The following SYMPK variants were observed in gnomAD, a reference collection of about 807,000 sequenced individuals.
The protein encoded by SYMPK is symplekin scaffold protein.
Under a neutral mutation model 136.4 loss-of-function variants are expected in SYMPK, and 49 were observed. The ratio of observed to expected loss-of-function variants is 0.36; its 90% CI spans 0.29 to 0.46. SYMPK has a LOEUF of 0.46. SYMPK is among the 20% of genes least tolerant of loss of function. SYMPK has a pLI of 1.00. For synonymous variants in SYMPK, 766 were observed against 713.0 expected (o/e 1.07, Z -1.19); for missense variants, 1,365 against 1,690.0 (o/e 0.81, Z 3.37).
At chr19:45,854,327 A>T in intron 2 of SYMPK, 64 bp downstream of exon 2, 3 of 1,606,058 alleles carry the variant, frequency 1.9e-6, no homozygotes, top group Non-Finnish European at 2.6e-6. Context: ...TCTGCCACCT[A>T]AACAGGGATT....
intron 6 of SYMPK, 35 bp from the exon 7 acceptor site, chr19:45,848,036 A>G: frequency 6.5e-7 from 1 of 1,549,100 alleles, no homozygotes; most frequent in Non-Finnish European, 8.8e-7. Flanking sequence ...GAAGAGACAC[A>G]CAAAGAGGTG....
rs139861984 is a variant in SYMPK, at chr19:45,821,463, G to A, written c.2814C>T (p.Ser938=). Residue 938 remains serine (S), a synonymous_variant, in exon 22 of 27, where the codon TCC becomes TCT. Transcript: ENST00000245934. The surrounding 1 kb of genome is among the most constrained non-coding windows in gnomAD (Gnocchi z 4.4). ...TCAGGAGCTCTCCAGGGTTCAGCGG[G>A]GACAAGGCTGAGTTTCCCTCACCTG... is the stretch of plus-strand genomic sequence containing the variant. ...TQHGEGNSAL[S]PLNPGELLIA... The A allele has an allele frequency of 3.3e-4, 534 of 1,613,832 alleles. No individual in the cohort carries two copies. Among genetic ancestry groups the A allele is most frequent in the Non-Finnish European group, 4.3e-4 (513 of 1,179,872 alleles).
At position 45,844,037 on chromosome 19, in the gene SYMPK, A is replaced by C; in HGVS notation, c.840T>G (p.Thr280=). The change falls in exon 8 of 27, where the codon ACT becomes ACG. Residue 280 remains threonine, a synonymous_variant. Transcript: ENST00000245934. ...FMSEVIQAYE[T]LHANLPPTLA... ...GGGAGGACAATGACCTACCATGCAG[A>C]GTTTCATAGGCCTGGATCACCTCAG... 6.5e-7 allele frequency: 1 copy of C among 1,543,466 alleles called. No individual in the cohort carries two copies. Among genetic ancestry groups the C allele is most frequent in the Non-Finnish European group, 8.8e-7 (1 of 1,139,504 alleles).
chr19:45,820,730 A>G (rs1321549387), intron 22 of SYMPK: 1 of 165,132 alleles, frequency 6.1e-6, no homozygotes, highest in Non-Finnish European at 1.3e-5. Context: ...TTCACTTCAG[A>G]TTCTGTTTCT....
chr19:45,863,113 T>TCCGCCGCCGCCG lies in SYMPK; in HGVS notation c.-80_-69dup, dbSNP rs3840932. ...CCCTCAGCAGTGCCTCTTCCTACAC[T>TCCGCCGCCGCCG]CCGCCGCCGCCGCCGCCGCCATCTT... On this transcript the variant is annotated 5_prime_UTR_variant, in exon 1 of 27. Coordinates refer to ENST00000245934, the MANE Select transcript of SYMPK (RefSeq NM_004819.3). 8.9e-5 allele frequency: 36 copies of TCCGCCGCCGCCG among 404,220 alleles called. 3 individuals are homozygous for TCCGCCGCCGCCG. In the South Asian group the frequency reaches 1.7e-3, roughly 19 times the overall value. The allele number at this position is 404,220 out of a possible 1,614,324, so 25.0% of individuals were successfully genotyped here.
chr19:45,836,574 T>A (rs913123925), intron 10 of SYMPK, among the ~76,000 whole-genome samples: 2 of 151,406 alleles, frequency 1.3e-5, no homozygotes, highest in African/African-American at 2.4e-5. Context: ...GAGCTTACAG[T>A]GAGCTGAGAC....
intron 7 of SYMPK, 58 bp from the exon 8 acceptor site, chr19:45,844,258 C>T (rs1172134981): frequency 7.0e-7 from 1 of 1,422,396 alleles, no homozygotes; most frequent in African/African-American, 1.4e-5. Context: ...CCTCTGGAGA[C>T]AGCAGCTTTT....
intron 16 of SYMPK, among the ~76,000 whole-genome samples, chr19:45,826,856 T>C (rs961031100): frequency 1.3e-5 from 2 of 152,218 alleles, no homozygotes; most frequent in Non-Finnish European, 2.9e-5. Flanking sequence ...ATGAAAACGC[T>C]ACCCAGCAAG....
chr19:45,859,573 C>A lies in SYMPK; in HGVS notation c.-13+3485G>T, dbSNP rs151314115. 2.1e-3 allele frequency among the ~76,000 whole-genome samples: 315 copies of A among 152,204 alleles called. 1 individual carries two copies. Among genetic ancestry groups the A allele is most frequent in the African/African-American group, 7.2e-3 (299 of 41,532 alleles). On this transcript the variant is annotated intron_variant, in intron 1 of 26. Coordinates refer to ENST00000245934, the MANE Select transcript of SYMPK (RefSeq NM_004819.3). The stretch of plus-strand genomic sequence containing the variant: ...CGAGATTGCGCCACTGCACTCCAGC[C>A]TGGATGACAGAGCAAGACTCTGTCT...
Position 45,818,166 on chromosome 19 carries a change from G to A in SYMPK, c.2894-20C>T, listed in dbSNP as rs1405678361. ...TGGTGGCTGCGAGGAGGCGGAGAGT[G>A]GGCCTGTCCTCTCTGCCCAGCTGCC... is the stretch of plus-strand genomic sequence containing the variant. On this transcript the variant is annotated intron_variant, in intron 22 of 26. Transcript: ENST00000245934. 2 of 1,518,868 alleles carry A rather than the reference G, an allele frequency of 1.3e-6. No homozygotes were observed. Among genetic ancestry groups the A allele is most frequent in the Non-Finnish European group, 1.8e-6 (2 of 1,125,964 alleles). The allele number at this position is 1,518,868 out of a possible 1,614,324, so 94.1% of individuals were successfully genotyped here.
intron 15 of SYMPK, 92 bp from the exon 16 acceptor site, chr19:45,827,715 C>A (rs1202956427): frequency 2.0e-6 from 3 of 1,496,618 alleles, no homozygotes; most frequent in African/African-American, 1.4e-5. Flanking sequence ...GGTACCTGGA[C>A]AAAAGGGCCC....
At chr19:45,826,888 G>T (rs778472380) in intron 16 of SYMPK, among the ~76,000 whole-genome samples, 28 of 152,216 alleles carry the variant, frequency 1.8e-4, no homozygotes, top group South Asian at 4.1e-4. Context: ...AAGGCTGCAG[G>T]CAACGATGGG....
intron 8 of SYMPK, 135 bp from the exon 9 acceptor site, chr19:45,842,624 C>T (rs767971254): frequency 7.7e-5 from 100 of 1,291,878 alleles, no homozygotes; most frequent in Admixed American, 3.3e-4. Flanking sequence ...TCAGATCTAA[C>T]GTGTGGCTTT....
chr19:45,857,579 C>T lies in SYMPK; in HGVS notation c.-12-3072G>A, dbSNP rs536334847. ...TGATCGTGGCTCACTGCAAGCTCCG[C>T]CTCCTGGGTTCACACCATTCTCCTG... On this transcript the variant is annotated intron_variant, in intron 1 of 26. Transcript: ENST00000245934. Among the ~76,000 whole-genome samples, 370 of 151,286 alleles carry T rather than the reference C, an allele frequency of 2.4e-3. 1 individual carries two copies. Among genetic ancestry groups the T allele is most frequent in the African/African-American group, 8.3e-3 (342 of 41,294 alleles).
chr19:45,815,700 G>A lies in SYMPK; in HGVS notation c.3688-3C>T. On this transcript the variant is annotated splice_polypyrimidine_tract_variant and splice_region_variant and intron_variant, in intron 26 of 26. Transcript: ENST00000245934. ...GTCAGCCCGCCCGCTGCCGTCTCCT[G>A]GTGACCGGGGAAGGAAAGGGCAGCC... 3 of 1,609,386 alleles carry A rather than the reference G, an allele frequency of 1.9e-6. No homozygotes were observed. The highest frequency in any genetic ancestry group is 2.2e-5 in the East Asian group (1 of 44,724).
At chr19:45,831,673 C>A in intron 11 of SYMPK, 85 bp from the exon 12 acceptor site, 7 of 1,197,668 alleles carry the variant, frequency 5.8e-6, no homozygotes, top group Non-Finnish European at 8.1e-6. Flanking sequence ...TGGCTCTGTT[C>A]TGAGCCCTGT....
At chr19:45,840,225 G>A (rs1369781103) in intron 9 of SYMPK, among the ~76,000 whole-genome samples, 1 of 143,476 alleles carries the variant, frequency 7.0e-6, no homozygotes, top group Non-Finnish European at 1.5e-5. Context: ...TGAGGAGGGA[G>A]AATCTCTTAA....
chr19:45,831,452 G>A lies in SYMPK; in HGVS notation c.1530C>T (p.Ser510=), dbSNP rs1971171715. ...CCTGCGGTGCCTCTTCCTCCAGGGG[G>A]GACATGGAGCTCAGGGAACCCACCA... ...ISVVGSLSSM[S]PLEEEAPQAK... Residue 510 remains serine (S), a synonymous_variant, in exon 12 of 27, where the codon TCC becomes TCT. Transcript: ENST00000245934. The A allele has an allele frequency of 1.9e-6, 3 of 1,608,474 alleles. No individual in the cohort carries two copies. The highest frequency in any genetic ancestry group is 1.7e-6 in the Non-Finnish European group (2 of 1,177,698).
chr19:45,852,223 G>T, intron 5 of SYMPK, 89 bp downstream of exon 5: 3 of 1,313,946 alleles, frequency 2.3e-6, no homozygotes, highest in Admixed American at 3.4e-5. Flanking sequence ...CAGAGGGCAG[G>T]CCTCTCAGTG....
Sources: allele counts gnomAD v4.1 joint callset (sites outside exome capture counted in the v4.1 genomes callset), GRCh38; gene constraint gnomAD v4.1.1; non-coding constraint Gnocchi (gnomAD v3.1); transcripts MANE v1.5; gene names NCBI Gene and HGNC (gene_info 2026-07-23, HGNC 2026-07-21).